The following GPR137C variants were observed in gnomAD, a reference collection of about 807,000 sequenced individuals.
GPR137C encodes integral membrane protein GPR137C.
A neutral mutation model predicts 43.4 loss-of-function variants in GPR137C; 27 were observed. That is an observed-to-expected ratio of 0.62 (90% CI 0.46 to 0.86). The LOEUF (loss-of-function observed/expected upper bound fraction) is 0.86. Among genes scored for constraint, GPR137C ranks in the 40% least tolerant of loss-of-function variants. The pLI is 0.00. For synonymous variants in GPR137C, 285 were observed against 226.9 expected, an observed-to-expected ratio of 1.26 and a Z score of -2.30; for missense variants, 522 against 534.6, an observed-to-expected ratio of 0.98 and a Z score of 0.23.
chr14:52,575,036 T>G (rs1482679035), intron 1 of GPR137C, among the ~76,000 whole-genome samples: 1 of 152,222 alleles, frequency 6.6e-6, no homozygotes, highest in Non-Finnish European at 1.5e-5. Context: ...TGTATGAGAC[T>G]CTTGGTTCAG....
chr14:52,601,870 G>A (rs1163847609), intron 3 of GPR137C, among the ~76,000 whole-genome samples: 1 of 151,732 alleles, frequency 6.6e-6, no homozygotes. Context: ...ATAATACTCT[G>A]AATAAAAGTC....
At chr14:52,593,222 A>T (rs556776930) in intron 1 of GPR137C, among the ~76,000 whole-genome samples, 1 of 152,212 alleles carries the variant, frequency 6.6e-6, no homozygotes, top group South Asian at 2.1e-4. Flanking sequence ...GTGCTGCTGG[A>T]TTCAGTTTGC....
At chr14:52,606,222 C>T (rs2038982161) in intron 3 of GPR137C, among the ~76,000 whole-genome samples, 1 of 151,998 alleles carries the variant, frequency 6.6e-6, no homozygotes, top group Non-Finnish European at 1.5e-5. Flanking sequence ...AATACTGTTA[C>T]TCATTATTGA....
intron 1 of GPR137C, among the ~76,000 whole-genome samples, chr14:52,567,778 G>A (rs926131295): frequency 1.3e-5 from 2 of 151,196 alleles, no homozygotes; most frequent in Non-Finnish European, 2.9e-5. Context: ...ATCTGCCCCA[G>A]CCTCCCGAGT....
At chr14:52,630,972 G>C (rs1230930107) in intron 3 of GPR137C, among the ~76,000 whole-genome samples, 1 of 152,068 alleles carries the variant, frequency 6.6e-6, no homozygotes, top group Admixed American at 6.6e-5. Context: ...GTGTTGCATT[G>C]GTCACTTGTA....
intron 1 of GPR137C, among the ~76,000 whole-genome samples, chr14:52,587,918 G>C (rs1370075916): frequency 6.6e-6 from 1 of 152,152 alleles, no homozygotes; most frequent in Non-Finnish European, 1.5e-5. Flanking sequence ...GGAATAGTGT[G>C]ATCAGATGTA....
At chr14:52,571,528 G>C (rs1275938015) in intron 1 of GPR137C, among the ~76,000 whole-genome samples, 1 of 152,158 alleles carries the variant, frequency 6.6e-6, no homozygotes, top group Non-Finnish European at 1.5e-5. Flanking sequence ...TAAACAATTA[G>C]CTGGGTGCAG....
intron 1 of GPR137C, among the ~76,000 whole-genome samples, chr14:52,584,983 A>G (rs1040253695): frequency 6.6e-6 from 1 of 152,178 alleles, no homozygotes; most frequent in African/African-American, 2.4e-5. Flanking sequence ...CTCAACTTTA[A>G]CTGGACCTTG....
chr14:52,599,538 A>G (rs370812111), intron 2 of GPR137C, among the ~76,000 whole-genome samples: 1 of 148,716 alleles, frequency 6.7e-6, no homozygotes, highest in South Asian at 2.1e-4. Context: ...GATTCAAGTG[A>G]TTCTTGTGCC....
In GPR137C at chr14:52,637,581, G is replaced by A. The variant is rs2039367326; in HGVS notation, c.*2466G>A. 1 of 152,094 alleles carries A rather than the reference G, an allele frequency of 6.6e-6. No individual in the cohort carries two copies. The highest frequency in any genetic ancestry group is 6.6e-5 in the Admixed American group (1 of 15,252). 9.4% of individuals were successfully genotyped at this position (152,094 alleles called of 1,614,324 possible). On this transcript the variant is annotated 3_prime_UTR_variant, in exon 7 of 7. Transcript: ENST00000321662. ...TAGCTGCCTTTTTTATTGTTTAACA[G>A]TGTTTCTCAGCTATATAATCAGTTT...
intron 1 of GPR137C, among the ~76,000 whole-genome samples, chr14:52,567,649 CT>C (rs75250866): frequency 0.066 from 8,731 of 133,024 alleles, 631 homozygotes; most frequent in African/African-American, 0.18. Flanking sequence ...TCAGATTGTT[CT>C]TTTTTTTTTT....
At chr14:52,564,625 A>G (rs2038338306) in intron 1 of GPR137C, among the ~76,000 whole-genome samples, 1 of 152,126 alleles carries the variant, frequency 6.6e-6, no homozygotes, top group African/African-American at 2.4e-5. Flanking sequence ...GTAGAGGAGC[A>G]TTATGCTGCT....
chr14:52,627,352 CA>C (rs1370999886), intron 3 of GPR137C, among the ~76,000 whole-genome samples: 6 of 152,042 alleles, frequency 3.9e-5, no homozygotes, highest in Admixed American at 3.9e-4. Context: ...TTGATCACAC[CA>C]AAGCACTTCA....
chr14:52,625,604 G>T (rs1434986261), intron 3 of GPR137C, among the ~76,000 whole-genome samples: 3 of 118,902 alleles, frequency 2.5e-5, no homozygotes, highest in Non-Finnish European at 4.9e-5. Context: ...ACCCAGGCTG[G>T]AGTGCAGTGG....
At chr14:52,628,338 A>G (rs571469278) in intron 3 of GPR137C, among the ~76,000 whole-genome samples, 2 of 152,346 alleles carry the variant, frequency 1.3e-5, no homozygotes, top group East Asian at 1.9e-4. Flanking sequence ...ATTTCATACC[A>G]TACACAAAAA....
chr14:52,581,944 A>G (rs2038653596), intron 1 of GPR137C, among the ~76,000 whole-genome samples: 1 of 152,256 alleles, frequency 6.6e-6, no homozygotes, highest in Non-Finnish European at 1.5e-5. Context: ...CTTCAAAGCA[A>G]CATGGTCTAC....
At chr14:52,603,573 G>C (rs563300517) in intron 3 of GPR137C, among the ~76,000 whole-genome samples, 1 of 151,896 alleles carries the variant, frequency 6.6e-6, no homozygotes, top group African/African-American at 2.4e-5. Context: ...TTGCTCTTTC[G>C]CTGAGGCTGG....
Position 52,553,226 on chromosome 14 carries a change from A to AG in GPR137C, c.80dup (p.Ser27ArgfsTer126), listed in dbSNP as rs2038112253. The AG allele has an allele frequency of 1.7e-5, 22 of 1,282,124 alleles. No homozygotes were observed. Among genetic ancestry groups the AG allele is most frequent in the South Asian group, 5.1e-5 (2 of 39,390 alleles). 79.4% of individuals were successfully genotyped at this position (1,282,124 alleles called of 1,614,324 possible). ...CGAGCCCTCCACGCCCGGCGGGGGC[A>AG]GCGGAGGCGGAGGCGCCGTCGCTGC... is the stretch of plus-strand genomic sequence containing the variant. On this transcript the variant is annotated frameshift_variant, in exon 1 of 7. Coordinates refer to ENST00000321662, the MANE Select transcript of GPR137C (RefSeq NM_001099652.2). LOFTEE classifies it high-confidence loss of function.
chr14:52,613,877 G>T (rs889575325), intron 3 of GPR137C, among the ~76,000 whole-genome samples: 2 of 152,118 alleles, frequency 1.3e-5, no homozygotes, highest in African/African-American at 4.8e-5. Flanking sequence ...CCCAGCAGTG[G>T]GATTGCTGGA....
Sources: allele counts gnomAD v4.1 joint callset (sites outside exome capture counted in the v4.1 genomes callset), GRCh38; gene constraint gnomAD v4.1.1; transcripts MANE v1.5; gene names NCBI Gene and HGNC (gene_info 2026-07-23, HGNC 2026-07-21).